The following WNT9A variants were observed in gnomAD, a reference collection of about 807,000 sequenced individuals.
WNT9A encodes Wnt family member 9A, also known as protein Wnt-9a.
A neutral mutation model predicts 31.4 loss-of-function variants in WNT9A; 8 were observed. The ratio of observed to expected loss-of-function variants is 0.26; its 90% CI spans 0.15 to 0.46. The LOEUF is 0.46. WNT9A is among the 20% of genes least tolerant of loss of function. The pLI is 0.99. For synonymous variants in WNT9A, 236 were observed against 220.1 expected (o/e 1.07, Z -0.64); for missense variants, 457 against 522.9 (o/e 0.87, Z 1.23).
chr1:227,926,981 T>C lies in WNT9A; in HGVS notation c.96-1462A>G, dbSNP rs1352260180. Among the ~76,000 whole-genome samples the C allele has an allele frequency of 6.6e-6, 1 of 151,768 alleles. No individual in the cohort carries two copies. The highest frequency in any genetic ancestry group is 2.4e-5 in the African/African-American group (1 of 41,278). Reference sequence around the variant, plus strand: ...AGGCGCAGGCCACAGAAGGAGCAGGTAGTGGCCCCAGGAAGGATCCCACAG... The same window carrying C: ...AGGCGCAGGCCACAGAAGGAGCAGGCAGTGGCCCCAGGAAGGATCCCACAG... On this transcript the variant is annotated intron_variant, in intron 1 of 3. Transcript: ENST00000272164. The surrounding 1 kb of genome is among the most constrained non-coding windows in gnomAD (Gnocchi z 5.0).
intron 3 of WNT9A, 90 bp downstream of exon 3, chr1:227,924,048 A>AG: frequency 4.3e-6 from 6 of 1,396,158 alleles, no homozygotes; most frequent in South Asian, 1.4e-5. Context: ...GCCCTGCTGC[A>AG]GCCCCGCCCC....
intron 1 of WNT9A, among the ~76,000 whole-genome samples, chr1:227,933,475 C>T (rs1253210809): frequency 1.3e-5 from 2 of 152,212 alleles, no homozygotes; most frequent in East Asian, 3.9e-4. Context: ...ACTGGAGTAG[C>T]ACTTTCCATT....
rs1204979332 is a variant in WNT9A, at chr1:227,919,393, C to G, written c.*2125G>C. ...GGCACATGTCGGGGTGCTCTCTGAA[C>G]CACAGGAGAATAAAGGTTCTTATGT... On this transcript the variant is annotated 3_prime_UTR_variant, in exon 4 of 4. Coordinates refer to ENST00000272164, the MANE Select transcript of WNT9A (RefSeq NM_003395.4). The G allele has an allele frequency of 2.0e-5, 3 of 152,196 alleles. No individual in the cohort carries two copies. Among genetic ancestry groups the G allele is most frequent in the South Asian group, 4.2e-4 (2 of 4,818 alleles). The allele number at this position is 152,196 out of a possible 1,614,324, so 9.4% of individuals were successfully genotyped here. A position where few individuals can be genotyped will look rare whatever the true frequency, so the allele number is the denominator to read the frequency against.
chr1:227,942,728 T>C lies in WNT9A; in HGVS notation c.95+5065A>G, dbSNP rs960452670. 6.6e-6 allele frequency among the ~76,000 whole-genome samples: 1 copy of C among 152,124 alleles called. No individual in the cohort carries two copies. The highest frequency in any genetic ancestry group is 1.9e-4 in the East Asian group (1 of 5,170). ...CTTCCTGATGCCAGGCCCCACATGC[T>C]TCCTGGGGTGTCCTAAGTTGTTGGA... On this transcript the variant is annotated intron_variant, in intron 1 of 3. Transcript: ENST00000272164. This position sits in a 1 kb window ranked among gnomAD's most constrained non-coding sequence, Gnocchi z 5.7.
At position 227,942,894 on chromosome 1, in the gene WNT9A, G is replaced by A. The variant is rs559655946; in HGVS notation, c.95+4899C>T. On this transcript the variant is annotated intron_variant, in intron 1 of 3. Coordinates refer to ENST00000272164, the MANE Select transcript of WNT9A (RefSeq NM_003395.4). The surrounding 1 kb of genome is among the most constrained non-coding windows in gnomAD (Gnocchi z 5.7). ...CACCCCAGATGCCGCCTTCTTGCCA[G>A]CTCCTTCCCAGGCTTCTCTTGCCCA... Among the ~76,000 whole-genome samples, 14 of 152,302 alleles carry A rather than the reference G, an allele frequency of 9.2e-5. No individual in the cohort carries two copies. Among genetic ancestry groups the A allele is most frequent in the African/African-American group, 2.4e-4 (10 of 41,574 alleles).
intron 1 of WNT9A, among the ~76,000 whole-genome samples, chr1:227,931,717 C>T (rs932216649): frequency 1.3e-5 from 2 of 152,128 alleles, no homozygotes; most frequent in African/African-American, 4.8e-5. Flanking sequence ...AAAAATAATA[C>T]ATATACTTTA....
At chr1:227,934,297 A>G (rs1034020526) in intron 1 of WNT9A, among the ~76,000 whole-genome samples, 1 of 152,198 alleles carries the variant, frequency 6.6e-6, no homozygotes. Flanking sequence ...TATATTCTCA[A>G]TGCCCCACTT....
chr1:227,927,997 G>A (rs976386780), intron 1 of WNT9A, among the ~76,000 whole-genome samples: 10 of 151,918 alleles, frequency 6.6e-5, no homozygotes, highest in African/African-American at 2.4e-4. Flanking sequence ...GGGAGGAGGA[G>A]GAGGGGGAGA....
At chr1:227,934,363 ACTTTT>A (rs770556909) in intron 1 of WNT9A, among the ~76,000 whole-genome samples, 42 of 152,174 alleles carry the variant, frequency 2.8e-4, no homozygotes, top group East Asian at 7.7e-4. Context: ...AGTTTCTATT[ACTTTT>A]CTTTTCTGGT....
chr1:227,936,178 G>GTTTTC (rs1244761984), intron 1 of WNT9A, among the ~76,000 whole-genome samples: 9 of 151,758 alleles, frequency 5.9e-5, no homozygotes, highest in African/African-American at 1.7e-4. Flanking sequence ...ATCTTGTGCA[G>GTTTTC]TTTTTCTTTT....
At chr1:227,941,045 G>C (rs1046221533) in intron 1 of WNT9A, among the ~76,000 whole-genome samples, 2 of 152,256 alleles carry the variant, frequency 1.3e-5, no homozygotes, top group Non-Finnish European at 2.9e-5. Context: ...GCTCTGGTGG[G>C]GCCATCAACA....
chr1:227,946,955 T>C (rs1558266483), intron 1 of WNT9A, among the ~76,000 whole-genome samples: 1 of 152,012 alleles, frequency 6.6e-6, no homozygotes, highest in African/African-American at 2.4e-5. Context: ...GGCTGGAGGG[T>C]GGCGGGGAGG....
At position 227,924,068 on chromosome 1, in the gene WNT9A, G is replaced by GC; in HGVS notation, c.615+69dup. On this transcript the variant is annotated intron_variant, in intron 3 of 3. Transcript: ENST00000272164. ...GCTGCAGCCCCGCCCCCAGTCCCAC[G>GC]CCCCACCCCCAACCCCCTGACGCTC... The GC allele has an allele frequency of 2.8e-4, 13 of 46,922 alleles. No individual in the cohort carries two copies. In the South Asian group the frequency reaches 3.6e-3, roughly 13 times the overall value. The allele number at this position is 46,922 out of a possible 1,614,324, so 2.9% of individuals were successfully genotyped here.
At chr1:227,924,067 C>CT in intron 3 of WNT9A, 71 bp downstream of exon 3, 1 of 819,108 alleles carries the variant, frequency 1.2e-6, no homozygotes, top group Non-Finnish European at 1.7e-6. Flanking sequence ...CCCAGTCCCA[C>CT]GCCCCACCCC....
At position 227,925,504 on chromosome 1, in the gene WNT9A, C is replaced by T; in HGVS notation, c.111G>A (p.Glu37=). The T allele has an allele frequency of 6.4e-7, 1 of 1,552,662 alleles. No individual in the cohort carries two copies. Among genetic ancestry groups the T allele is most frequent in the Non-Finnish European group, 8.7e-7 (1 of 1,153,506 alleles). The change falls in exon 2 of 4, where the codon GAG becomes GAA. Residue 37 remains glutamate, a synonymous_variant. Transcript: ENST00000272164. This position sits in a 1 kb window ranked among gnomAD's most constrained non-coding sequence, Gnocchi z 6.0. ...SAAYFGLTGS[E]PLTILPLTLE... ...GGGTCAGCGGGAGGATGGTCAGGGG[C>T]TCGCTGCCCGTCAGCCTGGGCACAG...
intron 1 of WNT9A, among the ~76,000 whole-genome samples, chr1:227,944,052 A>AACAC (rs370056421): frequency 1.1e-4 from 16 of 151,762 alleles, no homozygotes; most frequent in African/African-American, 2.4e-4. Context: ...AAGAACTGAA[A>AACAC]ACACACACAC....
At position 227,940,561 on chromosome 1, in the gene WNT9A, C is replaced by T. The variant is rs547101076; in HGVS notation, c.95+7232G>A. On this transcript the variant is annotated intron_variant, in intron 1 of 3. Coordinates refer to ENST00000272164, the MANE Select transcript of WNT9A (RefSeq NM_003395.4). ...CCACCCCACAGTGACTCCAGGTCTG[C>T]AGCCTCTGTCCCCATCTGGCCAGGA... Among the ~76,000 whole-genome samples, 36 of 152,326 alleles carry T rather than the reference C, an allele frequency of 2.4e-4. 2 individuals are homozygous for T. In the South Asian group the frequency reaches 4.6e-3, roughly 19 times the overall value.
intron 1 of WNT9A, among the ~76,000 whole-genome samples, chr1:227,946,536 C>T (rs775101935): frequency 6.6e-6 from 1 of 152,240 alleles, no homozygotes; most frequent in African/African-American, 2.4e-5. Context: ...GCCGTACCCA[C>T]AGTTGGAGCC....
intron 1 of WNT9A, among the ~76,000 whole-genome samples, chr1:227,931,412 A>T (rs999605931): frequency 2.0e-5 from 3 of 152,236 alleles, no homozygotes; most frequent in African/African-American, 7.2e-5. Context: ...TCAGATGAGA[A>T]TTGTATCTTC....
Sources: allele counts gnomAD v4.1 joint callset (sites outside exome capture counted in the v4.1 genomes callset), GRCh38; gene constraint gnomAD v4.1.1; non-coding constraint Gnocchi (gnomAD v3.1); transcripts MANE v1.5; gene names NCBI Gene and HGNC (gene_info 2026-07-23, HGNC 2026-07-21).